Variants in PRMT2 observed in about 807,000 individuals in gnomAD.
The protein encoded by PRMT2 is protein arginine methyltransferase 2, also known as protein arginine N-methyltransferase 2.
In PRMT2, 26 loss-of-function variants were observed where a neutral mutation model predicts 57.6. That is an observed-to-expected ratio of 0.45 (90% confidence interval 0.33 to 0.63). The LOEUF (loss-of-function observed/expected upper bound fraction) is 0.63. PRMT2 is among the 20% of genes least tolerant of loss of function. The pLI is 0.02. For synonymous variants in PRMT2, 219 were observed against 220.0 expected, an observed-to-expected ratio of 1.00 and a Z score of 0.04; for missense variants, 472 against 564.4, an observed-to-expected ratio of 0.84 and a Z score of 1.66.
At position 46,644,304 on chromosome 21, in the gene PRMT2, A is replaced by T. The variant is rs2061328051; in HGVS notation, c.145-2A>T. 1 of 1,595,656 alleles carries T rather than the reference A, an allele frequency of 6.3e-7. No individual in the cohort carries two copies. The highest frequency in any genetic ancestry group is 8.5e-7 in the Non-Finnish European group (1 of 1,174,886). On this transcript the variant is annotated splice_acceptor_variant, in intron 4 of 11. Transcript: ENST00000355680. LOFTEE classifies it high-confidence loss of function. ...ATTGAATTTTAACTTTTTTTTTTCCAGCTCAGTTTTTTGAGAGGAGAAAAA... is the reference window on the plus strand; with the variant it reads ...ATTGAATTTTAACTTTTTTTTTTCCTGCTCAGTTTTTTGAGAGGAGAAAAA...
intron 2 of PRMT2, 95 bp downstream of exon 2, chr21:46,636,642 AC>A (rs1722500231): frequency 2.9e-6 from 1 of 350,796 alleles, no homozygotes; most frequent in African/African-American, 2.1e-5. Context: ...TCTAACAGAA[AC>A]TAACAGGCTT....
At chr21:46,646,649 A>G (rs899080750) in intron 5 of PRMT2, among the ~76,000 whole-genome samples, 1 of 152,206 alleles carries the variant, frequency 6.6e-6, no homozygotes, top group Non-Finnish European at 1.5e-5. Flanking sequence ...ATGATAAATA[A>G]TGCTGTAATG....
At chr21:46,638,012 C>T (rs2061205476) in intron 3 of PRMT2, among the ~76,000 whole-genome samples, 1 of 152,206 alleles carries the variant, frequency 6.6e-6, no homozygotes, top group South Asian at 2.1e-4. Flanking sequence ...TCCCCAGTCT[C>T]AGTCCTATTC....
chr21:46,646,593 G>C (rs547596036), intron 5 of PRMT2, among the ~76,000 whole-genome samples: 1 of 152,228 alleles, frequency 6.6e-6, no homozygotes, highest in African/African-American at 2.4e-5. Flanking sequence ...TACTTTAAAA[G>C]GGTCCTGTTG....
intron 7 of PRMT2, chr21:46,658,480 G>C (rs1384997902): frequency 2.4e-6 from 1 of 425,050 alleles, no homozygotes; most frequent in African/African-American, 2.0e-5. Flanking sequence ...GTGAAGATTT[G>C]TCCTTGCTTT....
In PRMT2 at chr21:46,637,032, T is replaced by C. The variant is rs374271626; in HGVS notation, c.39+42T>C. 10 of 1,603,244 alleles carry C rather than the reference T, an allele frequency of 6.2e-6. No homozygotes were observed. In the African/African-American group the frequency reaches 1.3e-4, roughly 21 times the overall value. ...TTCCTAAAAATCTGTGTTTAATGAA[T>C]GTGAGCATTACAGAGAGCTAAGCGT... On this transcript the variant is annotated intron_variant, in intron 3 of 11. Transcript: ENST00000355680.
intron 5 of PRMT2, among the ~76,000 whole-genome samples, chr21:46,647,110 C>T (rs1320100154): frequency 6.6e-6 from 1 of 152,086 alleles, no homozygotes; most frequent in East Asian, 1.9e-4. Context: ...CATTTCCCTA[C>T]CACAAATCAA....
rs1601932312 is a variant in PRMT2, at chr21:46,648,609, G to A, written c.479G>A (p.Arg160Gln). ...AGTCTCTTCTGTGCACACTATGCGC[G>A]GCCTAGAGCGGTGAGTGGGGTCTCG... is the stretch of plus-strand genomic sequence containing the variant. ...IISLFCAHYA[R>Q]PRAVYAVEAS... The change falls in exon 6 of 12, where the codon CGG becomes CAG. Residue 160 changes from arginine to glutamine, a missense_variant. By Grantham distance (43) the Arg-to-Gln change is conservative. Transcript: ENST00000355680. The surrounding 1 kb of genome is among the most constrained non-coding windows in gnomAD (Gnocchi z 4.8). The A allele has an allele frequency of 2.5e-6, 4 of 1,612,686 alleles. No individual in the cohort carries two copies. The South Asian group carries it at 3.3e-5, about 13-fold the overall frequency.
chr21:46,659,943 T>C (rs1282677532), intron 8 of PRMT2: 1 of 985,096 alleles, frequency 1.0e-6, no homozygotes, highest in Non-Finnish European at 1.2e-6. Context: ...AATGGATGTT[T>C]GCTTGCATAA....
intron 7 of PRMT2, chr21:46,651,976 T>C (rs1180167718): frequency 6.2e-7 from 1 of 1,613,204 alleles, no homozygotes; most frequent in Admixed American, 1.7e-5. Context: ...CCTCAGGCCT[T>C]CATCTCTCCT....
chr21:46,650,755 C>T (rs955336936), intron 7 of PRMT2, among the ~76,000 whole-genome samples: 11 of 152,140 alleles, frequency 7.2e-5, no homozygotes, highest in African/African-American at 2.7e-4. Flanking sequence ...ACGGGGAAGC[C>T]TGGCTGCTGG....
At chr21:46,652,193 GTTAAATA>G (rs1476112997) in intron 7 of PRMT2, 27 of 1,390,874 alleles carry the variant, frequency 1.9e-5, no homozygotes, top group Admixed American at 6.1e-5. Flanking sequence ...GGGCTCAAGA[GTTAAATA>G]TTTAAGAAAA....
rs112081157 is a variant in PRMT2 at position 46,642,746 on chromosome 21, G to C, written c.40-789G>C. Among the ~76,000 whole-genome samples, 22 of 152,322 alleles carry C rather than the reference G, an allele frequency of 1.4e-4. 2 individuals carry two copies. Among genetic ancestry groups the C allele is most frequent in the African/African-American group, 5.3e-4 (22 of 41,562 alleles). On this transcript the variant is annotated intron_variant, in intron 3 of 11. Coordinates refer to ENST00000355680, the MANE Select transcript of PRMT2 (RefSeq NM_206962.4). Reference sequence around the variant, plus strand: ...TATTCTTATATAAAGTGAACGGCCAGGCATGGTGGCTCATGCCTGTAGTCC... The same window carrying C: ...TATTCTTATATAAAGTGAACGGCCACGCATGGTGGCTCATGCCTGTAGTCC...
intron 7 of PRMT2, chr21:46,653,741 C>A: frequency 8.3e-7 from 1 of 1,198,166 alleles, no homozygotes; most frequent in East Asian, 6.1e-5. Flanking sequence ...ATCAACTCTT[C>A]TGGATTCCTT....
At chr21:46,645,419 T>C (rs576139160) in intron 5 of PRMT2, among the ~76,000 whole-genome samples, 1 of 138,124 alleles carries the variant, frequency 7.2e-6, no homozygotes, top group East Asian at 2.2e-4. Context: ...TGAGCTATGA[T>C]TGCGCTACTG....
In PRMT2 at chr21:46,654,388, T is replaced by G. The variant is rs565333954; in HGVS notation, c.655-4357T>G. 3.3e-5 allele frequency among the ~76,000 whole-genome samples: 5 copies of G among 152,278 alleles called. No individual in the cohort carries two copies. In the East Asian group the frequency reaches 9.7e-4, roughly 29 times the overall value. ...TTTTGTGTTTAAAAATTAGACATAGTGGTAACCTAGCTTCAGTTCCAGATA... is the reference window on the plus strand; with the variant it reads ...TTTTGTGTTTAAAAATTAGACATAGGGGTAACCTAGCTTCAGTTCCAGATA... On this transcript the variant is annotated intron_variant, in intron 7 of 11. Transcript: ENST00000355680.
rs1041123740 is a variant in PRMT2, at chr21:46,648,957, T to G, written c.489+338T>G. On this transcript the variant is annotated intron_variant, in intron 6 of 11. Coordinates refer to ENST00000355680, the MANE Select transcript of PRMT2 (RefSeq NM_206962.4). This position sits in a 1 kb window ranked among gnomAD's most constrained non-coding sequence, Gnocchi z 4.8. ...AGAGAAACACGTGCACCCACATGTC[T>G]GTGCTGGGCCTTGGGTGTGGTTGGT... is the stretch of plus-strand genomic sequence containing the variant. Among the ~76,000 whole-genome samples, 6 of 152,200 alleles carry G rather than the reference T, an allele frequency of 3.9e-5. No individual in the cohort carries two copies. The highest frequency in any genetic ancestry group is 1.4e-4 in the African/African-American group (6 of 41,446).
intron 8 of PRMT2, chr21:46,660,056 T>C (rs1207706130): frequency 1.0e-6 from 1 of 982,230 alleles, no homozygotes; most frequent in Admixed American, 6.1e-5. Flanking sequence ...GTCCATAGTT[T>C]CCAATTTTTA....
intron 10 of PRMT2, among the ~76,000 whole-genome samples, chr21:46,662,242 TTCA>T (rs1211794265): frequency 6.6e-6 from 1 of 152,130 alleles, no homozygotes; most frequent in Non-Finnish European, 1.5e-5. Context: ...ACCACAGCTC[TTCA>T]TGGTCTGACC....
Sources: gnomAD v4.1 joint callset for allele counts (sites outside exome capture counted in the v4.1 genomes callset) on GRCh38, gnomAD v4.1.1 for gene constraint, Gnocchi (gnomAD v3.1) non-coding constraint, MANE v1.5 for transcripts, NCBI Gene and HGNC (gene_info 2026-07-23, HGNC 2026-07-21) for gene names.